ERMP1: variants seen among roughly 807,000 people sequenced by gnomAD.
ERMP1 encodes the protein Felix-ina.
A neutral mutation model predicts 92.0 loss-of-function variants in ERMP1; 86 were observed. The observed-to-expected ratio is 0.93, with a 90% CI of 0.79 to 1.12. The LOEUF is 1.12. ERMP1 is among the 50% of genes most tolerant of loss of function. ERMP1 has a pLI of 0.00. For missense variants in ERMP1, 1,342 were observed against 1,116.3 expected (o/e 1.20, Z -2.88); for synonymous variants, 530 against 412.8 (o/e 1.28, Z -3.44).
At chr9:5,861,717 G>GTTTTTTTTTTT (rs34804675) in intron 5 of ERMP1, among the ~76,000 whole-genome samples, 1 of 66,226 alleles carries the variant, frequency 1.5e-5, no homozygotes, top group Non-Finnish European at 2.6e-5. Context: ...GAGAGGAAGG[G>GTTTTTTTTTTT]TTTTTTTTTT....
intron 6 of ERMP1, among the ~76,000 whole-genome samples, chr9:5,856,683 T>C (rs1403605560): frequency 1.3e-5 from 2 of 152,164 alleles, no homozygotes; most frequent in Non-Finnish European, 2.9e-5. Flanking sequence ...TACTGAACCA[T>C]TGCTCCTAAA....
intron 13 of ERMP1, among the ~76,000 whole-genome samples, chr9:5,794,941 C>G (rs1186396718): frequency 6.6e-6 from 1 of 152,114 alleles, no homozygotes; most frequent in Non-Finnish European, 1.5e-5. Context: ...TAGACAACAA[C>G]AATACAAGAA....
At chr9:5,860,957 G>C (rs4742127) in intron 5 of ERMP1, among the ~76,000 whole-genome samples, 51,253 of 151,950 alleles carry the variant, frequency 0.34, 9,229 homozygotes, top group East Asian at 0.66. Context: ...AATGTAGCAA[G>C]AAGGCCCTCA....
intron 13 of ERMP1, among the ~76,000 whole-genome samples, chr9:5,795,584 C>T (rs1360495827): frequency 6.6e-6 from 1 of 152,094 alleles, no homozygotes; most frequent in Admixed American, 6.5e-5. Flanking sequence ...TTGAGACCAG[C>T]CTGGCCAACG....
chr9:5,839,802 GACA>G (rs1469540968), intron 6 of ERMP1, among the ~76,000 whole-genome samples: 1 of 152,148 alleles, frequency 6.6e-6, no homozygotes, highest in African/African-American at 2.4e-5. Flanking sequence ...GGAGAAAAGA[GACA>G]ACAATGGATC....
At chr9:5,866,206 G>A (rs1000726703) in intron 5 of ERMP1, among the ~76,000 whole-genome samples, 1 of 152,138 alleles carries the variant, frequency 6.6e-6, no homozygotes, top group South Asian at 2.1e-4. Flanking sequence ...AGTTTCCATT[G>A]GTGTTGGGAC....
intron 4 of ERMP1, among the ~76,000 whole-genome samples, 194 bp downstream of exon 4, chr9:5,823,702 G>T (rs1829628571): frequency 6.6e-6 from 1 of 152,244 alleles, no homozygotes; most frequent in South Asian, 2.1e-4. Flanking sequence ...CATATAATAA[G>T]CACTATACAA....
intron 6 of ERMP1, among the ~76,000 whole-genome samples, chr9:5,855,392 G>A (rs1297838979): frequency 6.6e-6 from 1 of 152,212 alleles, no homozygotes; most frequent in African/African-American, 2.4e-5. Context: ...CTGGGCTAGA[G>A]CCCTTAGCAT....
chr9:5,865,511 A>AAATAATAAT (rs58367366), intron 5 of ERMP1, among the ~76,000 whole-genome samples: 146 of 142,264 alleles, frequency 1.0e-3, no homozygotes, highest in African/African-American at 3.7e-3. Context: ...CCATCTCAAA[A>AAATAATAAT]AATAATAATA....
chr9:5,809,277 C>T (rs1338037042), intron 8 of ERMP1, among the ~76,000 whole-genome samples: 1 of 152,148 alleles, frequency 6.6e-6, no homozygotes, highest in Non-Finnish European at 1.5e-5. Context: ...ACCTCAGCCT[C>T]CCAAAGTGCT....
chr9:5,862,035 G>C (rs184915017), intron 5 of ERMP1, among the ~76,000 whole-genome samples: 1 of 151,808 alleles, frequency 6.6e-6, no homozygotes, highest in Non-Finnish European at 1.5e-5. Context: ...ATGTATGTAT[G>C]TATTTATTTA....
Position 5,787,212 on chromosome 9 carries a change from T to A in ERMP1, c.2647A>T (p.Lys883Ter). The change falls in exon 15 of 15, where the codon AAG becomes TAG. Residue 883 changes from lysine to a stop codon, truncating the protein, a stop_gained. Transcript: ENST00000339450. LOFTEE classifies it high-confidence loss of function. The stretch of plus-strand genomic sequence containing the variant: ...AATGTCCAATCTGGGAACTTTTCCT[T>A]CAGAGCATCCAGTTGAGGGGATCTC... ...DKRSPQLDALKEKFPDWTFPS... is the reference protein window; with the variant it reads ...DKRSPQLDAL 6.2e-7 allele frequency: 1 copy of A among 1,614,102 alleles called. No individual in the cohort carries two copies. The highest frequency in any genetic ancestry group is 1.3e-5 in the African/African-American group (1 of 75,028).
intron 6 of ERMP1, among the ~76,000 whole-genome samples, chr9:5,844,600 T>C (rs1360228108): frequency 6.6e-6 from 1 of 152,174 alleles, no homozygotes; most frequent in Admixed American, 6.5e-5. Flanking sequence ...CAGTCAATCT[T>C]TGTGAGAACT....
upstream of ERMP1, chr9:5,833,258 C>A: frequency 2.1e-6 from 1 of 476,262 alleles, no homozygotes; most frequent in South Asian, 4.0e-5. Context: ...TATGCCGTCT[C>A]CCGCAGGGCT....
At chr9:5,822,118 G>C (rs1335292283) in intron 4 of ERMP1, among the ~76,000 whole-genome samples, 6 of 152,124 alleles carry the variant, frequency 3.9e-5, no homozygotes, top group African/African-American at 1.4e-4. Context: ...CGGGCATGGT[G>C]GTATATGCCT....
intron 13 of ERMP1, among the ~76,000 whole-genome samples, chr9:5,797,432 G>T (rs969678609): frequency 3.9e-5 from 6 of 151,988 alleles, no homozygotes; most frequent in African/African-American, 1.4e-4. Context: ...GGCAGACCAT[G>T]AGGTCAGGAG....
In ERMP1 at chr9:5,865,507, CAAA is replaced by C. The variant is rs1195739808; in HGVS notation, n.3055+2292_3055+2294del. 3.4e-4 allele frequency among the ~76,000 whole-genome samples: 22 copies of C among 65,066 alleles called. No homozygotes were observed. In the South Asian group the frequency reaches 0.013, roughly 39 times the overall value. The allele number at this position is 65,066 out of a possible 152,430, so 42.7% of individuals were successfully genotyped here. On this transcript the variant is annotated intron_variant and non_coding_transcript_variant, in intron 5 of 6. Coordinates refer to the ERMP1 transcript ENST00000690753. ...TGGGCGACAGAGCAAGACTCCATCT[CAAA>C]AAATAATAATAATAATAATAATAAT...
intron 6 of ERMP1, among the ~76,000 whole-genome samples, chr9:5,854,960 G>C (rs937630568): frequency 6.6e-6 from 1 of 152,192 alleles, no homozygotes; most frequent in East Asian, 1.9e-4. Context: ...TCTTTTCGCA[G>C]TAACAGAAAG....
intron 6 of ERMP1, among the ~76,000 whole-genome samples, chr9:5,847,404 A>G (rs953250977): frequency 1.3e-5 from 2 of 151,846 alleles, no homozygotes; most frequent in Non-Finnish European, 2.9e-5. Flanking sequence ...ACACCCAGCT[A>G]ATTTTTGTAT....
Sources: gnomAD v4.1 joint callset for allele counts (sites outside exome capture counted in the v4.1 genomes callset) on GRCh38, gnomAD v4.1.1 for gene constraint, MANE v1.5 for transcripts, NCBI Gene and HGNC (gene_info 2026-07-23, HGNC 2026-07-21) for gene names.